TDRD1: variants seen among roughly 807,000 people sequenced by gnomAD.
The protein encoded by TDRD1 is tudor domain containing 1.
In TDRD1, 37 loss-of-function variants were observed where a neutral mutation model predicts 140.6. That is an observed-to-expected ratio of 0.26 (90% CI 0.20 to 0.35). The LOEUF (loss-of-function observed/expected upper bound fraction) is 0.35. TDRD1 is among the 10% of genes least tolerant of loss of function. The pLI is 1.00. For missense variants in TDRD1, 1,243 were observed against 1,393.0 expected, an observed-to-expected ratio of 0.89 and a Z score of 1.71; for synonymous variants, 506 against 475.7, an observed-to-expected ratio of 1.06 and a Z score of -0.83.
intron 16 of TDRD1, among the ~76,000 whole-genome samples, chr10:114,214,471 G>C (rs1387882991): frequency 6.6e-6 from 1 of 152,170 alleles, no homozygotes; most frequent in African/African-American, 2.4e-5. Context: ...GGTGCGGTGA[G>C]GCTTGATCAT....
rs540250959 is a variant in TDRD1, at chr10:114,188,624, C to T, written c.325+468C>T. On this transcript the variant is annotated intron_variant, in intron 2 of 25. Transcript: ENST00000251864. ...CTGTAATCCTAGCACTTTGGGAGGC[C>T]GAGGTGGGCAGATCACGAGGTCAGG... 2.0e-3 allele frequency among the ~76,000 whole-genome samples: 305 copies of T among 152,128 alleles called. 1 individual carries two copies. The highest frequency in any genetic ancestry group is 3.5e-3 in the Non-Finnish European group (236 of 67,970).
At chr10:114,181,414 C>T (rs577423506) in intron 1 of TDRD1, among the ~76,000 whole-genome samples, 1 of 152,282 alleles carries the variant, frequency 6.6e-6, no homozygotes, top group African/African-American at 2.4e-5. Flanking sequence ...CATTTGTTTA[C>T]CTGGGTATCA....
intron 11 of TDRD1, among the ~76,000 whole-genome samples, chr10:114,210,044 G>A (rs1392370990): frequency 2.0e-5 from 3 of 152,230 alleles, no homozygotes; most frequent in African/African-American, 7.2e-5. Flanking sequence ...TGCTTTTGAA[G>A]CCTTTCCTTC....
chr10:114,206,477 G>A, intron 11 of TDRD1, 147 bp downstream of exon 11: 1 of 581,764 alleles, frequency 1.7e-6, no homozygotes, highest in Non-Finnish European at 3.0e-6. Flanking sequence ...TTTATATTTA[G>A]TAGTATATCA....
chr10:114,177,551 A>C (rs933573265), upstream of TDRD1, among the ~76,000 whole-genome samples: 9 of 152,226 alleles, frequency 5.9e-5, no homozygotes, highest in Non-Finnish European at 1.3e-4. Context: ...CAAGGTCATC[A>C]AAACAAAGTC....
intron 2 of TDRD1, among the ~76,000 whole-genome samples, chr10:114,189,728 A>G (rs999537345): frequency 1.3e-5 from 2 of 152,210 alleles, no homozygotes; most frequent in Non-Finnish European, 2.9e-5. Flanking sequence ...AAACCCTGGG[A>G]TTACGGGCAT....
chr10:114,178,867 CA>C (rs11285127), upstream of TDRD1, among the ~76,000 whole-genome samples: 43,899 of 102,460 alleles, frequency 0.43, 6,498 homozygotes, highest in African/African-American at 0.52. Context: ...AGTTCCATAG[CA>C]AAAAAAAAAA....
intron 2 of TDRD1, among the ~76,000 whole-genome samples, chr10:114,190,669 G>A (rs1335471876): frequency 1.3e-5 from 2 of 152,080 alleles, no homozygotes; most frequent in Admixed American, 6.5e-5. Context: ...TGTATTTTTA[G>A]TAGAGACGGG....
At chr10:114,184,583 A>G (rs1440895198) in intron 1 of TDRD1, among the ~76,000 whole-genome samples, 1 of 152,236 alleles carries the variant, frequency 6.6e-6, no homozygotes, top group Non-Finnish European at 1.5e-5. Context: ...CTCTGTGGCC[A>G]GTAGTGTCGC....
At chr10:114,210,610 A>G (rs1189059172) in exon 12 of TDRD1, 4 of 1,598,546 alleles carry the variant, frequency 2.5e-6, no homozygotes, top group East Asian at 2.2e-5. Context: ...AAAAATGACA[A>G]CTGAAAACAA....
exon 7 of TDRD1, chr10:114,203,167 G>A (rs1384929696): frequency 1.2e-6 from 2 of 1,608,764 alleles, no homozygotes; most frequent in Non-Finnish European, 1.7e-6. Context: ...AGAAAACCAT[G>A]GAAATAAAGG....
At chr10:114,229,815 A>ATTTT (rs199773341) in intron 25 of TDRD1, among the ~76,000 whole-genome samples, 3 of 138,600 alleles carry the variant, frequency 2.2e-5, no homozygotes, top group African/African-American at 8.5e-5. Flanking sequence ...ATATATATAT[A>ATTTT]TATTTTTTTT....
intron 25 of TDRD1, among the ~76,000 whole-genome samples, chr10:114,231,108 T>C (rs1468317565): frequency 6.6e-6 from 1 of 152,186 alleles, no homozygotes; most frequent in Non-Finnish European, 1.5e-5. Context: ...TTTCATCATC[T>C]GGAGAAATTT....
exon 4 of TDRD1, chr10:114,199,194 C>A (rs978616876): frequency 2.0e-5 from 32 of 1,613,044 alleles, no homozygotes; most frequent in Non-Finnish European, 2.6e-5. Flanking sequence ...TAATGTACGT[C>A]CTGCAAAATC....
intron 20 of TDRD1, 99 bp from the exon 21 acceptor site, chr10:114,222,488 A>T (rs1316698082): frequency 5.4e-5 from 31 of 570,680 alleles, no homozygotes; most frequent in Non-Finnish European, 1.6e-5. Flanking sequence ...TTTAATACAC[A>T]AAGGGTTTTT....
At chr10:114,232,582 T>C (rs1379263530), downstream of TDRD1, among the ~76,000 whole-genome samples, 1 of 148,784 alleles carries the variant, frequency 6.7e-6, no homozygotes, top group Non-Finnish European at 1.5e-5. Flanking sequence ...TATTTCCTCA[T>C]GTAAAAAGTT....
rs954697544 is a variant in TDRD1 at position 114,206,236 on chromosome 10, C to CT, written c.1298-3dup. ...CAATGGAGGCATATTTTCTTAATCA[C>CT]TTTTTAGGAAAACTTTTAGACCATG... On this transcript the variant is annotated splice_polypyrimidine_tract_variant and splice_region_variant and intron_variant, in intron 10 of 25. Coordinates refer to ENST00000251864, the Ensembl canonical transcript of TDRD1. 6.2e-7 allele frequency: 1 copy of CT among 1,609,172 alleles called. No homozygotes were observed. The highest frequency in any genetic ancestry group is 8.5e-7 in the Non-Finnish European group (1 of 1,176,802).
At chr10:114,183,056 T>G (rs1459188326) in intron 1 of TDRD1, among the ~76,000 whole-genome samples, 1 of 152,216 alleles carries the variant, frequency 6.6e-6, no homozygotes, top group Non-Finnish European at 1.5e-5. Flanking sequence ...GTCAAAGGTA[T>G]TTTTGTTCAG....
At chr10:114,202,244 C>G in exon 6 of TDRD1, 2 of 1,601,804 alleles carry the variant, frequency 1.2e-6, no homozygotes, top group Non-Finnish European at 1.7e-6. Flanking sequence ...GCAGTTTCCA[C>G]AAACTTGAAA....
Sources: gnomAD v4.1 joint callset for allele counts (sites outside exome capture counted in the v4.1 genomes callset) on GRCh38, gnomAD v4.1.1 for gene constraint, MANE v1.5 for transcripts, NCBI Gene and HGNC (gene_info 2026-07-23, HGNC 2026-07-21) for gene names.